TRDN: variants seen among roughly 807,000 people sequenced by gnomAD.
TRDN encodes the protein triadin in skeletal muscle.
TRDN carries 161 observed loss-of-function variants against 149.7 expected under a neutral mutation model. The ratio of observed to expected loss-of-function variants is 1.08; its 90% CI spans 0.95 to 1.23. The LOEUF is 1.23. Ranked by LOEUF, TRDN falls within the 50% of genes most tolerant of loss-of-function variation. The pLI, the probability that TRDN is intolerant of heterozygous loss-of-function variation, is 0.00. For synonymous variants in TRDN, 294 were observed against 250.5 expected (o/e 1.17, Z -1.64); for missense variants, 896 against 823.5 (o/e 1.09, Z -1.08).
chr6:123,230,537 A>G (rs1775561106), intron 38 of TRDN, among the ~76,000 whole-genome samples: 1 of 150,494 alleles, frequency 6.6e-6, no homozygotes, highest in South Asian at 2.1e-4. Flanking sequence ...AAAGTATAAT[A>G]ATAATAATAA....
In TRDN at chr6:123,241,011, T is replaced by C. The variant is rs540462382; in HGVS notation, c.1975+11401A>G. ...GATGCTATCAACATAAAATGAAGTATATTCTGTTTGTGTTTAAGAATTTCT... is the reference window on the plus strand; with the variant it reads ...GATGCTATCAACATAAAATGAAGTACATTCTGTTTGTGTTTAAGAATTTCT... On this transcript the variant is annotated intron_variant, in intron 38 of 40. Transcript: ENST00000334268. 3.3e-5 allele frequency among the ~76,000 whole-genome samples: 5 copies of C among 152,012 alleles called. No individual in the cohort carries two copies. In the East Asian group the frequency reaches 9.6e-4, roughly 29 times the overall value.
chr6:123,603,442 G>C (rs1419214340), intron 1 of TRDN, among the ~76,000 whole-genome samples: 3 of 151,576 alleles, frequency 2.0e-5, no homozygotes. Context: ...GATTTTTCAA[G>C]ACACTTTATT....
chr6:123,582,627 A>C (rs1472414875), intron 1 of TRDN, among the ~76,000 whole-genome samples: 1 of 152,096 alleles, frequency 6.6e-6, no homozygotes, highest in Non-Finnish European at 1.5e-5. Context: ...GGCCATTTTC[A>C]CTTCTTTTAT....
intron 1 of TRDN, among the ~76,000 whole-genome samples, chr6:123,591,328 C>A (rs1344038243): frequency 6.6e-6 from 1 of 152,198 alleles, no homozygotes; most frequent in Non-Finnish European, 1.5e-5. Context: ...TCACTGCAAC[C>A]TCCACCTCCT....
chr6:123,538,483 A>G (rs944700400), intron 4 of TRDN, among the ~76,000 whole-genome samples: 2 of 152,158 alleles, frequency 1.3e-5, no homozygotes, highest in Non-Finnish European at 2.9e-5. Flanking sequence ...GTAAACAAAT[A>G]TTTCTGGGGA....
chr6:123,490,795 A>G (rs1778180783), intron 9 of TRDN, among the ~76,000 whole-genome samples: 1 of 152,194 alleles, frequency 6.6e-6, no homozygotes. Flanking sequence ...ATTGTAATCT[A>G]TGTTTGTAAA....
intron 9 of TRDN, chr6:123,489,683 T>C (rs1427146765): frequency 6.6e-6 from 1 of 152,120 alleles, no homozygotes; most frequent in African/African-American, 2.4e-5. Context: ...ATAGGAACTG[T>C]TTCATCATTA....
intron 23 of TRDN, among the ~76,000 whole-genome samples, chr6:123,329,697 C>G (rs141109495): frequency 6.6e-6 from 1 of 151,970 alleles, no homozygotes; most frequent in African/African-American, 2.4e-5. Context: ...TTTTAAAGCA[C>G]CATTAATATT....
chr6:123,313,814 G>A (rs1778921216), intron 24 of TRDN, among the ~76,000 whole-genome samples: 5 of 151,924 alleles, frequency 3.3e-5, no homozygotes, highest in Admixed American at 3.3e-4. Context: ...ATTGAAACTG[G>A]ACCCCTTCTT....
At chr6:123,329,636 T>C (rs1343909026) in intron 23 of TRDN, among the ~76,000 whole-genome samples, 4 of 152,092 alleles carry the variant, frequency 2.6e-5, no homozygotes, top group African/African-American at 9.7e-5. Flanking sequence ...TAGGTCTGAA[T>C]TTTGGCTGGT....
In TRDN at chr6:123,516,241, T is replaced by C. The variant is rs1779405398; in HGVS notation, c.485-35A>G. ...AACAGATAAATAGTTTTCATTTAAA[T>C]AACAGGAATAAATGAGGAGATGTTT... is the stretch of plus-strand genomic sequence containing the variant. On this transcript the variant is annotated intron_variant, in intron 5 of 40. Coordinates refer to ENST00000334268, the MANE Select transcript of TRDN (RefSeq NM_006073.4). 2.1e-6 allele frequency: 3 copies of C among 1,444,802 alleles called. No individual in the cohort carries two copies. In the East Asian group the frequency reaches 8.1e-5, roughly 39 times the overall value. 89.5% of individuals were successfully genotyped at this position (1,444,802 alleles called of 1,614,324 possible).
intron 16 of TRDN, among the ~76,000 whole-genome samples, chr6:123,379,979 C>T (rs1319923010): frequency 6.6e-6 from 1 of 151,942 alleles, no homozygotes; most frequent in African/African-American, 2.4e-5. Context: ...TTGGGGTGTA[C>T]CATCGAGTAA....
chr6:123,298,704 T>C (rs1361526584), intron 24 of TRDN, among the ~76,000 whole-genome samples: 2 of 152,070 alleles, frequency 1.3e-5, no homozygotes, highest in African/African-American at 4.8e-5. Flanking sequence ...AAATTTACAC[T>C]CCAAATACAC....
At chr6:123,453,870 T>G (rs1451638598) in intron 10 of TRDN, among the ~76,000 whole-genome samples, 1 of 151,108 alleles carries the variant, frequency 6.6e-6, no homozygotes, top group African/African-American at 2.5e-5. Flanking sequence ...CATCAGTCAA[T>G]GAGTGGATAA....
At chr6:123,231,275 A>AGATAGTATATGACAATT (rs1244872949) in intron 38 of TRDN, among the ~76,000 whole-genome samples, 1 of 152,058 alleles carries the variant, frequency 6.6e-6, no homozygotes, top group Non-Finnish European at 1.5e-5. Flanking sequence ...CTGAAGTATG[A>AGATAGTATATGACAATT]GATAGTATAT....
chr6:123,597,406 C>T (rs1853159), intron 1 of TRDN, among the ~76,000 whole-genome samples: 131,769 of 152,072 alleles, frequency 0.87, 57,503 homozygotes, highest in Admixed American at 0.93. Flanking sequence ...GCTGTGAACA[C>T]TGTTGAAATG....
intron 18 of TRDN, 109 bp downstream of exon 18, chr6:123,377,607 A>T: frequency 7.8e-7 from 1 of 1,281,118 alleles, no homozygotes; most frequent in Non-Finnish European, 1.1e-6. Flanking sequence ...TGTGAGATGG[A>T]AGCATTCCCC....
intron 12 of TRDN, among the ~76,000 whole-genome samples, chr6:123,435,631 G>T (rs1477683991): frequency 1.3e-5 from 2 of 151,780 alleles, no homozygotes; most frequent in Non-Finnish European, 2.9e-5. Context: ...CTTTTATCAG[G>T]AAGTTGAACT....
chr6:123,360,473 T>G (rs753225450), intron 20 of TRDN, among the ~76,000 whole-genome samples: 1 of 151,958 alleles, frequency 6.6e-6, no homozygotes, highest in South Asian at 2.1e-4. Flanking sequence ...AACAGAGAAG[T>G]TTGGAGAAGA....
Sources: gnomAD v4.1 joint callset for allele counts (sites outside exome capture counted in the v4.1 genomes callset) on GRCh38, gnomAD v4.1.1 for gene constraint, MANE v1.5 for transcripts, NCBI Gene and HGNC (gene_info 2026-07-23, HGNC 2026-07-21) for gene names.